Variants in GAREM1 observed in about 807,000 individuals in gnomAD.
GAREM1 encodes the protein GRB2-associated and regulator of MAPK protein 1.
A neutral mutation model predicts 71.3 loss-of-function variants in GAREM1; 26 were observed. The ratio of observed to expected loss-of-function variants is 0.36; its 90% CI spans 0.27 to 0.51. The LOEUF (loss-of-function observed/expected upper bound fraction) is 0.51, where lower values mean the gene tolerates loss of function less well. Among genes scored for constraint, GAREM1 ranks in the 20% least tolerant of loss-of-function variants. The probability of loss-of-function intolerance (pLI) is 0.95; values close to 1 mark genes in which losing one functional copy is unlikely to be tolerated. For synonymous variants in GAREM1, 440 were observed against 433.2 expected (o/e 1.02, Z -0.20); for missense variants, 1,026 against 1,103.1 (o/e 0.93, Z 0.99).
intron 3 of GAREM1, among the ~76,000 whole-genome samples, chr18:32,289,274 C>T (rs970817840): frequency 6.6e-6 from 1 of 152,136 alleles, no homozygotes; most frequent in Admixed American, 6.5e-5. Flanking sequence ...GTCTAATATG[C>T]ACTGCCCACT....
chr18:32,333,425 A>T (rs1482847636), intron 2 of GAREM1, among the ~76,000 whole-genome samples: 1 of 152,194 alleles, frequency 6.6e-6, no homozygotes, highest in African/African-American at 2.4e-5. Context: ...GGAGCAGACA[A>T]GGGAAAGACC....
intron 3 of GAREM1, among the ~76,000 whole-genome samples, chr18:32,297,993 G>T (rs1001875161): frequency 1.3e-5 from 2 of 152,178 alleles, no homozygotes; most frequent in African/African-American, 4.8e-5. Flanking sequence ...CACAGGAAAT[G>T]AACTGAAAGA....
At chr18:32,363,995 C>CATATATATATAT (rs766095412) in intron 2 of GAREM1, among the ~76,000 whole-genome samples, 1,509 of 21,100 alleles carry the variant, frequency 0.072, 207 homozygotes, top group Non-Finnish European at 0.091. Context: ...TACATATATA[C>CATATATATATAT]ATATATATAT....
At chr18:32,373,430 G>A (rs1234472187) in intron 2 of GAREM1, among the ~76,000 whole-genome samples, 3 of 152,150 alleles carry the variant, frequency 2.0e-5, no homozygotes, top group African/African-American at 7.2e-5. Flanking sequence ...GTATTTGGGG[G>A]TAGGGCCTTA....
chr18:32,294,773 A>G (rs1024571656), intron 3 of GAREM1, among the ~76,000 whole-genome samples: 16 of 152,156 alleles, frequency 1.1e-4, no homozygotes, highest in African/African-American at 3.4e-4. Flanking sequence ...GGTGATTATA[A>G]CTTACACAAA....
At chr18:32,364,138 G>A (rs1273106450) in intron 2 of GAREM1, among the ~76,000 whole-genome samples, 1 of 145,596 alleles carries the variant, frequency 6.9e-6, no homozygotes, top group Admixed American at 6.9e-5. Context: ...AGATTCATGC[G>A]ATTCTCCTGC....
intron 2 of GAREM1, among the ~76,000 whole-genome samples, chr18:32,319,538 C>T (rs987897638): frequency 2.0e-5 from 3 of 152,148 alleles, no homozygotes; most frequent in African/African-American, 7.2e-5. Flanking sequence ...TTAACTAAAT[C>T]CTTCATCAAC....
At chr18:32,356,551 A>G (rs2047807779) in intron 2 of GAREM1, among the ~76,000 whole-genome samples, 1 of 152,226 alleles carries the variant, frequency 6.6e-6, no homozygotes. Context: ...ATACATAATA[A>G]TAACAAACTC....
At chr18:32,409,415 C>G (rs926207591) in intron 1 of GAREM1, among the ~76,000 whole-genome samples, 2 of 152,038 alleles carry the variant, frequency 1.3e-5, no homozygotes, top group Non-Finnish European at 2.9e-5. Flanking sequence ...GAACTCCAAG[C>G]AAGTGAAATA....
At chr18:32,272,216 G>T (rs1187704994) in intron 4 of GAREM1, among the ~76,000 whole-genome samples, 1 of 152,220 alleles carries the variant, frequency 6.6e-6, no homozygotes, top group Non-Finnish European at 1.5e-5. Flanking sequence ...TCCCTGGCCT[G>T]ATTCACTTGC....
chr18:32,434,273 T>C (rs764484376), intron 1 of GAREM1, among the ~76,000 whole-genome samples: 3 of 152,142 alleles, frequency 2.0e-5, no homozygotes, highest in Non-Finnish European at 4.4e-5. Context: ...CACAGACAGA[T>C]GGATCCAGAA....
intron 1 of GAREM1, among the ~76,000 whole-genome samples, chr18:32,421,683 C>T (rs576859001): frequency 4.1e-4 from 62 of 152,214 alleles, no homozygotes; most frequent in African/African-American, 1.4e-3. Context: ...TTTTTTCTCA[C>T]GCTTATTCTG....
chr18:32,451,873 C>G (rs960715311), intron 1 of GAREM1, among the ~76,000 whole-genome samples: 1 of 152,146 alleles, frequency 6.6e-6, no homozygotes, highest in Admixed American at 6.5e-5. Context: ...AGCCATTTGC[C>G]TGGATAATGA....
At chr18:32,285,488 C>A (rs1164775139) in intron 4 of GAREM1, among the ~76,000 whole-genome samples, 2 of 152,254 alleles carry the variant, frequency 1.3e-5, no homozygotes, top group African/African-American at 4.8e-5. Flanking sequence ...CTCTTACATG[C>A]TTAAAGCTGC....
At chr18:32,435,938 G>A (rs2048672974) in intron 1 of GAREM1, among the ~76,000 whole-genome samples, 1 of 152,144 alleles carries the variant, frequency 6.6e-6, no homozygotes, top group South Asian at 2.1e-4. Flanking sequence ...TGCACCCAAG[G>A]TCTCCTAGTT....
rs1344988538 is a variant in GAREM1, at chr18:32,463,970, AATG to A, written c.121+6335_121+6337del. Among the ~76,000 whole-genome samples, 3 of 148,864 alleles carry A rather than the reference AATG, an allele frequency of 2.0e-5. No individual in the cohort carries two copies. In the East Asian group the frequency reaches 6.0e-4, roughly 30 times the overall value. On this transcript the variant is annotated intron_variant, in intron 1 of 5. Transcript: ENST00000269209. ...AAAATGATCATCCATCAGTGAAAAT[AATG>A]ATGAGTACGTGGTTAAAAAAAAAAA...
chr18:32,271,876 C>G (rs141438957), intron 4 of GAREM1, among the ~76,000 whole-genome samples: 1 of 152,144 alleles, frequency 6.6e-6, no homozygotes, highest in Non-Finnish European at 1.5e-5. Context: ...TGTACTTCTA[C>G]GTGTCAGGCA....
intron 2 of GAREM1, among the ~76,000 whole-genome samples, chr18:32,325,243 C>T (rs766006496): frequency 1.3e-5 from 2 of 152,156 alleles, no homozygotes; most frequent in Non-Finnish European, 2.9e-5. Context: ...AGGTGTGGCA[C>T]AGAGGTTTTT....
intron 2 of GAREM1, among the ~76,000 whole-genome samples, chr18:32,378,936 C>G (rs1337751837): frequency 7.1e-6 from 1 of 141,764 alleles, no homozygotes; most frequent in Non-Finnish European, 1.5e-5. Flanking sequence ...AGTGAGCTCA[C>G]TGCTTACGGG....
Sources: allele counts gnomAD v4.1 joint callset (sites outside exome capture counted in the v4.1 genomes callset), GRCh38; gene constraint gnomAD v4.1.1; transcripts MANE v1.5; gene names NCBI Gene and HGNC (gene_info 2026-07-23, HGNC 2026-07-21).